Variants in PLS3 observed in about 807,000 individuals in gnomAD.
PLS3 encodes plastin 3, also known as plastin-3.
In PLS3, 11 loss-of-function variants were observed where a neutral mutation model predicts 46.5. The ratio of observed to expected loss-of-function variants is 0.24; its 90% CI spans 0.15 to 0.39. PLS3 has a LOEUF of 0.39. Ranked by LOEUF, PLS3 falls within the 10% of genes least tolerant of loss-of-function variation. PLS3 has a pLI of 1.00. For missense variants in PLS3, 308 were observed against 461.8 expected, an observed-to-expected ratio of 0.67 and a Z score of 3.05; for synonymous variants, 167 against 162.2, an observed-to-expected ratio of 1.03 and a Z score of -0.22.
chrX:115,604,726 T>A (rs184008389), intron 1 of PLS3, among the ~76,000 whole-genome samples: 53 of 111,946 alleles, frequency 4.7e-4, no homozygotes, highest in Non-Finnish European at 8.1e-4. Context: ...TTAGTAACTT[T>A]AAGGGAAAAA....
intron 3 of PLS3, among the ~76,000 whole-genome samples, chrX:115,627,769 G>C (rs782241984): frequency 3.6e-5 from 4 of 111,659 alleles, no homozygotes; most frequent in East Asian, 2.8e-4. Flanking sequence ...GACACACACA[G>C]ACATTTATTC....
At chrX:115,607,593 G>A (rs1479177106) in intron 1 of PLS3, among the ~76,000 whole-genome samples, 1 of 109,079 alleles carries the variant, frequency 9.2e-6, no homozygotes, top group African/African-American at 3.4e-5. Flanking sequence ...CTACCTCCCA[G>A]GTTCAAGCGA....
At position 115,643,293 on chromosome X, in the gene PLS3, T is replaced by G. The variant is rs781811534; in HGVS notation, c.988-20T>G. 22 of 1,109,953 alleles carry G rather than the reference T, an allele frequency of 2.0e-5. No individual in the cohort carries two copies. The highest frequency in any genetic ancestry group is 2.7e-5 in the Non-Finnish European group (22 of 807,775). 91.5% of individuals were successfully genotyped at this position (1,109,953 alleles called of 1,213,427 possible). A position where few individuals can be genotyped will look rare whatever the true frequency, so the allele number is the denominator to read the frequency against. On this transcript the variant is annotated intron_variant, in intron 9 of 15. Transcript: ENST00000355899. Reference sequence around the variant, plus strand: ...TTTTAGTGTGGCCTTTGACAAAGTCTTCCGATTTTGTTTCAACAGGAAACA... The same window carrying G: ...TTTTAGTGTGGCCTTTGACAAAGTCGTCCGATTTTGTTTCAACAGGAAACA...
chrX:115,579,315 C>A (rs1460814711), intron 1 of PLS3, among the ~76,000 whole-genome samples: 1 of 111,967 alleles, frequency 8.9e-6, no homozygotes, highest in African/African-American at 3.2e-5. Context: ...ACCATTCACC[C>A]ATTGAAGGAT....
Position 115,640,443 on chromosome X carries a change from C to A in PLS3, c.927C>A (p.Ile309=). 8.4e-7 allele frequency: 1 copy of A among 1,196,818 alleles called. No individual in the cohort carries two copies. Among genetic ancestry groups the A allele is most frequent in the African/African-American group, 1.7e-5 (1 of 57,468 alleles). The change falls in exon 9 of 16, where the codon ATC becomes ATA. Residue 309 remains isoleucine (I), a synonymous_variant. Coordinates refer to ENST00000355899, the MANE Select transcript of PLS3 (RefSeq NM_005032.7). The part of the protein sequence containing the change: ...SKAYFHLLNQ[I]APKGQKEGEP... ...CCTATTTCCATCTTCTCAATCAAAT[C>A]GCACCAAAAGGACAAAAGGAAGGTG...
chrX:115,581,634 A>G (rs2074280025), intron 1 of PLS3, among the ~76,000 whole-genome samples: 1 of 112,099 alleles, frequency 8.9e-6, no homozygotes, highest in Non-Finnish European at 1.9e-5. Context: ...CTCAAGATAA[A>G]GCTTTTCCAC....
At chrX:115,610,853 G>C (rs1208045626) in intron 2 of PLS3, 2 of 1,104,415 alleles carry the variant, frequency 1.8e-6, no homozygotes, top group African/African-American at 3.7e-5. Context: ...AGATGAGAAG[G>C]CATAGCATGC....
At chrX:115,608,153 G>A (rs988203180) in intron 1 of PLS3, among the ~76,000 whole-genome samples, 2 of 111,505 alleles carry the variant, frequency 1.8e-5, no homozygotes, top group African/African-American at 6.5e-5. Flanking sequence ...TCTAGAAATA[G>A]CAACAATTCT....
chrX:115,618,267 A>G (rs1019210107), intron 2 of PLS3, among the ~76,000 whole-genome samples: 2 of 112,233 alleles, frequency 1.8e-5, no homozygotes, highest in Non-Finnish European at 3.8e-5. Flanking sequence ...CCTGTTACAT[A>G]CCTGTTATAT....
rs1255035886 is a variant in PLS3, at chrX:115,566,359, CT to C, written c.-9+5102del. Among the ~76,000 whole-genome samples the C allele has an allele frequency of 5.2e-3, 59 of 11,326 alleles. No individual in the cohort carries two copies. In the Non-Finnish European group the frequency reaches 0.14, roughly 27 times the overall value. 9.8% of individuals were successfully genotyped at this position (11,326 alleles called of 115,157 possible). A position where few individuals can be genotyped will look rare whatever the true frequency, so the allele number is the denominator to read the frequency against. On this transcript the variant is annotated intron_variant, in intron 1 of 15. Transcript: ENST00000355899. Reference sequence around the variant, plus strand: ...ATAGAATAAAAACCTACATGTGATACTTTCTTCTTCTTCTTTTGTTTTGTTC... The same window carrying C: ...ATAGAATAAAAACCTACATGTGATACTTCTTCTTCTTCTTTTGTTTTGTTC...
Position 115,604,613 on chromosome X carries a change from T to C in PLS3, c.-8-5630T>C, listed in dbSNP as rs181250286. On this transcript the variant is annotated intron_variant, in intron 1 of 15. Transcript: ENST00000355899. ...AAACATACTACAACCTTGGGCGCGG[T>C]ACAACAGCTTGGTGTACTGGTACTT... Among the ~76,000 whole-genome samples the C allele has an allele frequency of 6.0e-4, 67 of 111,724 alleles. 1 individual carries two copies. Among genetic ancestry groups the C allele is most frequent in the African/African-American group, 2.1e-3 (65 of 30,752 alleles).
At chrX:115,636,240 T>C (rs2074834326) in intron 7 of PLS3, among the ~76,000 whole-genome samples, 1 of 92,777 alleles carries the variant, frequency 1.1e-5, no homozygotes, top group African/African-American at 4.2e-5. Flanking sequence ...GGAGTCTCGC[T>C]CTGTTGCCCA....
chrX:115,563,780 C>T (rs1031522808), intron 1 of PLS3, among the ~76,000 whole-genome samples: 1 of 111,903 alleles, frequency 8.9e-6, no homozygotes, highest in African/African-American at 3.3e-5. Context: ...CAAGGCTAGC[C>T]TTGTGGCACA....
intron 2 of PLS3, among the ~76,000 whole-genome samples, chrX:115,615,456 CAA>C: frequency 1.2e-5 from 1 of 84,313 alleles, no homozygotes; most frequent in African/African-American, 4.4e-5. Context: ...TCCTTTAAAA[CAA>C]AATGCAGATG....
intron 3 of PLS3, among the ~76,000 whole-genome samples, chrX:115,625,593 T>G (rs1327265883): frequency 3.0e-5 from 3 of 99,146 alleles, no homozygotes; most frequent in Non-Finnish European, 6.2e-5. Context: ...GTTCTTTCTT[T>G]AAAAAAAAAA....
chrX:115,592,722 T>G (rs1556633299), intron 1 of PLS3, among the ~76,000 whole-genome samples: 1 of 111,833 alleles, frequency 8.9e-6, no homozygotes, highest in African/African-American at 3.2e-5. Flanking sequence ...TCTAAATTTA[T>G]GACACATATT....
Position 115,640,474 on chromosome X carries a change from C to T in PLS3, c.958C>T (p.Arg320Trp), listed in dbSNP as rs137917062. 5.8e-5 allele frequency: 68 copies of T among 1,170,699 alleles called. No homozygotes were observed. Among genetic ancestry groups the T allele is most frequent in the Non-Finnish European group, 5.2e-5 (45 of 859,865 alleles). Residue 320 changes from arginine to tryptophan, a missense_variant, in exon 9 of 16, where the codon CGG becomes TGG. Transcript: ENST00000355899. ...APKGQKEGEPRIDINMSGFNE... is the reference protein window; with the variant it reads ...APKGQKEGEPWIDINMSGFNE... ...AAAAGGACAAAAGGAAGGTGAACCA[C>T]GGATAGATATTAACATGTCAGGTTT...
rs1556641990 is a variant in PLS3 at position 115,647,958 on chromosome X, A to G, written c.1701A>G (p.Ile567Met). The change falls in exon 15 of 16, where the codon ATA (isoleucine) becomes ATG (methionine). Residue 567 changes from isoleucine (I) to methionine (M), a missense_variant. Physicochemically the swap from Ile to Met is conservative, Grantham distance 10. Coordinates refer to ENST00000355899, the MANE Select transcript of PLS3 (RefSeq NM_005032.7). The part of the protein sequence containing the change: ...DLIDAIQPGC[I>M]NYDLVKSGNL... ...TTGATGCCATCCAGCCAGGCTGTATAAACTATGACCTTGTGAAGAGTGGCA... is the reference window on the plus strand; with the variant it reads ...TTGATGCCATCCAGCCAGGCTGTATGAACTATGACCTTGTGAAGAGTGGCA... The G allele has an allele frequency of 2.5e-6, 3 of 1,208,735 alleles. No individual in the cohort carries two copies. The highest frequency in any genetic ancestry group is 3.4e-6 in the Non-Finnish European group (3 of 892,916).
At chrX:115,586,185 A>G (rs932458567) in intron 1 of PLS3, among the ~76,000 whole-genome samples, 7 of 106,066 alleles carry the variant, frequency 6.6e-5, no homozygotes, top group Non-Finnish European at 9.7e-5. Context: ...GGGTTTCTCC[A>G]TGTTGGTCAG....
Sources: allele counts gnomAD v4.1 joint callset (sites outside exome capture counted in the v4.1 genomes callset), GRCh38; gene constraint gnomAD v4.1.1; transcripts MANE v1.5; gene names NCBI Gene and HGNC (gene_info 2026-07-23, HGNC 2026-07-21).